The following NRK variants were observed in gnomAD, a reference collection of about 807,000 sequenced individuals.
NRK encodes the protein nik-related protein kinase.
A neutral mutation model predicts 125.2 loss-of-function variants in NRK; 67 were observed. That is an observed-to-expected ratio of 0.54 (90% CI 0.44 to 0.66). NRK has a LOEUF of 0.66. NRK is among the 30% of genes least tolerant of loss of function. The pLI, the probability that NRK is intolerant of heterozygous loss-of-function variation, is 0.00. For synonymous variants in NRK, 458 were observed against 429.0 expected (o/e 1.07, Z -0.84); for missense variants, 1,224 against 1,192.9 (o/e 1.03, Z -0.38).
Position 105,906,473 on chromosome X carries a change from C to A in NRK, c.905C>A (p.Pro302His). Residue 302 changes from proline to histidine, a missense_variant, in exon 11 of 29, where the codon CCT (proline) becomes CAT (histidine). Pro to His is a moderately conservative substitution (Grantham distance 77). Coordinates refer to ENST00000243300, the MANE Select transcript of NRK (RefSeq NM_198465.4). ...KCTIKNFLFR[P>H]TSANMLQHPF... ...ACGATAAAAAATTTCCTGTTTCGTC[C>A]TACTTCTGCAAACATGCTTCAACAC... 2 of 1,160,396 alleles carry A rather than the reference C, an allele frequency of 1.7e-6. No individual in the cohort carries two copies. Among genetic ancestry groups the A allele is most frequent in the Non-Finnish European group, 2.3e-6 (2 of 861,045 alleles).
intron 8 of NRK, 78 bp downstream of exon 8, chrX:105,898,792 C>T (rs1372628388): frequency 1.1e-6 from 1 of 873,057 alleles, no homozygotes; most frequent in African/African-American, 2.1e-5. Context: ...AATGATAAAA[C>T]AAAAAATAAA....
At chrX:105,926,230 G>T (rs193165608) in intron 19 of NRK, among the ~76,000 whole-genome samples, 227 of 111,435 alleles carry the variant, frequency 2.0e-3, no homozygotes, top group Non-Finnish European at 3.5e-3. Context: ...CTATCTGTTG[G>T]TTATTTCTAA....
Position 105,905,246 on chromosome X carries a change from T to A in NRK, c.767-19T>A. On this transcript the variant is annotated intron_variant, in intron 9 of 28. Coordinates refer to ENST00000243300, the MANE Select transcript of NRK (RefSeq NM_198465.4). ...TTACCCTTCTCATTCTTTCTAAATT[T>A]ATCTATTTCCCTTTGCAGCTCTGTG... 8.6e-7 allele frequency: 1 copy of A among 1,166,960 alleles called. No individual in the cohort carries two copies. Among genetic ancestry groups the A allele is most frequent in the Non-Finnish European group, 1.2e-6 (1 of 856,363 alleles).
chrX:105,851,979 C>T (rs760925752), intron 2 of NRK, among the ~76,000 whole-genome samples: 3 of 111,832 alleles, frequency 2.7e-5, no homozygotes, highest in Non-Finnish European at 3.8e-5. Context: ...TTGATTTGGC[C>T]CATTCAGTGA....
At chrX:105,893,714 T>G (rs2040044138) in intron 5 of NRK, 118 bp from the exon 6 acceptor site, 3 of 445,354 alleles carry the variant, frequency 6.7e-6, no homozygotes, top group Non-Finnish European at 1.2e-5. Flanking sequence ...GAGGCAGTAC[T>G]TGCAGTGCCT....
chrX:105,858,305 A>ACACTAAAATG (rs1247279885), intron 2 of NRK, among the ~76,000 whole-genome samples: 1 of 110,303 alleles, frequency 9.1e-6, no homozygotes, highest in Admixed American at 9.7e-5. Flanking sequence ...ATAGAAATGC[A>ACACTAAAATG]CACTAAAATG....
chrX:105,955,098 C>CT (rs750188916), intron 28 of NRK, among the ~76,000 whole-genome samples: 95 of 110,988 alleles, frequency 8.6e-4, no homozygotes, highest in Admixed American at 6.8e-3. Context: ...TCAATGGCTT[C>CT]TTAAATATAA....
At chrX:105,822,272 A>AGCGGGGGCGGGG (rs1345543103), upstream of NRK, among the ~76,000 whole-genome samples, 1 of 81,321 alleles carries the variant, frequency 1.2e-5, no homozygotes, top group Admixed American at 1.6e-4. Flanking sequence ...AACACTCGCC[A>AGCGGGGGCGGGG]GCGGGGGCGG....
chrX:105,846,044 G>A (rs1384695613), intron 2 of NRK, among the ~76,000 whole-genome samples: 1 of 111,384 alleles, frequency 9.0e-6, no homozygotes, highest in Non-Finnish European at 1.9e-5. Flanking sequence ...ATAAGGGAAA[G>A]GGCTCAGGGC....
chrX:105,934,901 CT>C (rs1236498446), intron 20 of NRK, among the ~76,000 whole-genome samples: 1 of 111,911 alleles, frequency 8.9e-6, no homozygotes, highest in African/African-American at 3.3e-5. Flanking sequence ...GCCTCAACCT[CT>C]GATTCTTAAT....
intron 11 of NRK, 55 bp from the exon 12 acceptor site, chrX:105,908,185 A>G (rs1227525206): frequency 1.5e-6 from 1 of 675,876 alleles, no homozygotes; most frequent in Non-Finnish European, 2.2e-6. Context: ...TAAGTGGATA[A>G]CATGCTTATC....
At chrX:105,923,563 T>G in intron 18 of NRK, 81 bp downstream of exon 18, 1 of 661,612 alleles carries the variant, frequency 1.5e-6, no homozygotes, top group Non-Finnish European at 2.2e-6. Flanking sequence ...TTTCAAAATT[T>G]ATTACCAAGA....
intron 22 of NRK, among the ~76,000 whole-genome samples, chrX:105,939,604 A>G (rs2040709933): frequency 9.0e-6 from 1 of 110,935 alleles, no homozygotes; most frequent in Non-Finnish European, 1.9e-5. Context: ...TGCATAGTGG[A>G]AGGCTTAACT....
chrX:105,948,626 T>C (rs2040850164), intron 26 of NRK: 1 of 489,380 alleles, frequency 2.0e-6, no homozygotes, highest in Non-Finnish European at 3.6e-6. Context: ...CTTTTTTTTC[T>C]GATTCAATTG....
chrX:105,946,222 C>T, intron 25 of NRK, 93 bp from the exon 26 acceptor site: 2 of 851,292 alleles, frequency 2.3e-6, no homozygotes, highest in East Asian at 3.4e-5. Context: ...GGGTTTTGTA[C>T]ACTTATAAAC....
intron 2 of NRK, among the ~76,000 whole-genome samples, chrX:105,862,559 C>A (rs986508505): frequency 4.4e-5 from 5 of 112,379 alleles, no homozygotes; most frequent in African/African-American, 1.6e-4. Flanking sequence ...GAAGTTCTTT[C>A]TTCCTCATGA....
At chrX:105,942,780 A>C (rs985283458) in intron 23 of NRK, among the ~76,000 whole-genome samples, 1 of 108,902 alleles carries the variant, frequency 9.2e-6, no homozygotes, top group African/African-American at 3.3e-5. Context: ...CACCACACCC[A>C]GCTATTTTTT....
intron 27 of NRK, 151 bp from the exon 28 acceptor site, chrX:105,952,883 A>C (rs2040918319): frequency 2.4e-6 from 1 of 421,384 alleles, no homozygotes; most frequent in African/African-American, 2.5e-5. Flanking sequence ...AAAATGGCCA[A>C]ACAACTGACT....
chrX:105,903,195 C>G, intron 9 of NRK, among the ~76,000 whole-genome samples: 1 of 111,383 alleles, frequency 9.0e-6, no homozygotes, highest in Non-Finnish European at 1.9e-5. Flanking sequence ...CTTGGCAAAG[C>G]TGTACACTAG....
Sources: gnomAD v4.1 joint callset for allele counts (sites outside exome capture counted in the v4.1 genomes callset) on GRCh38, gnomAD v4.1.1 for gene constraint, MANE v1.5 for transcripts, NCBI Gene and HGNC (gene_info 2026-07-23, HGNC 2026-07-21) for gene names.